The following MLLT3 variants were observed in gnomAD, a reference collection of about 807,000 sequenced individuals.
MLLT3 encodes MLLT3 super elongation complex subunit, also known as protein AF-9.
Under a neutral mutation model 53.2 loss-of-function variants are expected in MLLT3, and 4 were observed. The observed-to-expected ratio is 0.08, with a 90% CI of 0.04 to 0.17. MLLT3 has a LOEUF of 0.17. Among genes scored for constraint, MLLT3 ranks in the 10% least tolerant of loss-of-function variants. MLLT3 has a pLI of 1.00. For synonymous variants in MLLT3, 283 were observed against 230.6 expected (o/e 1.23, Z -2.06); for missense variants, 569 against 684.0 (o/e 0.83, Z 1.87).
chr9:20,587,692 G>C (rs1286657534), intron 2 of MLLT3, among the ~76,000 whole-genome samples: 1 of 152,026 alleles, frequency 6.6e-6, no homozygotes, highest in Non-Finnish European at 1.5e-5. Context: ...GGGGTTGTTT[G>C]TTTTTTTCTT....
At chr9:20,532,208 T>C (rs979756867) in intron 2 of MLLT3, among the ~76,000 whole-genome samples, 1 of 151,964 alleles carries the variant, frequency 6.6e-6, no homozygotes, top group Non-Finnish European at 1.5e-5. Flanking sequence ...ATCTAGAAAA[T>C]ACTGCTTAGC....
At chr9:20,444,744 T>G (rs1365742705) in intron 4 of MLLT3, among the ~76,000 whole-genome samples, 1 of 151,996 alleles carries the variant, frequency 6.6e-6, no homozygotes, top group Non-Finnish European at 1.5e-5. Context: ...TGGTAGTCTG[T>G]GCCTGTAGTC....
intron 10 of MLLT3, among the ~76,000 whole-genome samples, chr9:20,351,289 A>G (rs1587141293): frequency 6.6e-6 from 1 of 152,230 alleles, no homozygotes; most frequent in African/African-American, 2.4e-5. Context: ...CTCTCTTAGG[A>G]AACCTGGTTT....
intron 5 of MLLT3, among the ~76,000 whole-genome samples, chr9:20,401,526 C>T (rs995629698): frequency 6.6e-6 from 1 of 152,126 alleles, no homozygotes; most frequent in Non-Finnish European, 1.5e-5. Context: ...AGGAATCCAG[C>T]CCCTTCCTGT....
At chr9:20,525,483 G>A (rs538327847) in intron 2 of MLLT3, among the ~76,000 whole-genome samples, 1 of 152,260 alleles carries the variant, frequency 6.6e-6, no homozygotes, top group East Asian at 1.9e-4. Context: ...GCAACAGTAA[G>A]ACTCTGACTT....
At chr9:20,589,574 TA>T (rs1233857489) in intron 2 of MLLT3, among the ~76,000 whole-genome samples, 1 of 124,150 alleles carries the variant, frequency 8.1e-6, no homozygotes, top group Non-Finnish European at 1.7e-5. Context: ...CCCTAAAACT[TA>T]AAGTATAATA....
At chr9:20,484,338 T>C (rs1824749763) in intron 2 of MLLT3, among the ~76,000 whole-genome samples, 1 of 152,182 alleles carries the variant, frequency 6.6e-6, no homozygotes, top group South Asian at 2.1e-4. Flanking sequence ...CTCCAGCTTA[T>C]TCTTTTAACT....
chr9:20,612,686 A>AATAT (rs148833460), intron 2 of MLLT3, among the ~76,000 whole-genome samples: 1 of 151,856 alleles, frequency 6.6e-6, no homozygotes, highest in African/African-American at 2.4e-5. Flanking sequence ...CAAAATAGTC[A>AATAT]ATATATATAT....
rs529887751 is a variant in MLLT3, at chr9:20,510,978, T to G, written c.194-54192A>C. On this transcript the variant is annotated intron_variant, in intron 2 of 10. Transcript: ENST00000380338. Reference sequence around the variant, plus strand: ...CACATTTGGTTCTCTCTATAGAATATTATGCAGCCATTAAAAATAATGAAT... The same window carrying G: ...CACATTTGGTTCTCTCTATAGAATAGTATGCAGCCATTAAAAATAATGAAT... Among the ~76,000 whole-genome samples the G allele has an allele frequency of 2.0e-5, 3 of 152,334 alleles. No homozygotes were observed. The East Asian group carries it at 5.8e-4, about 29-fold the overall frequency.
chr9:20,555,285 T>C (rs1408282629), intron 2 of MLLT3, among the ~76,000 whole-genome samples: 1 of 152,200 alleles, frequency 6.6e-6, no homozygotes, highest in East Asian at 1.9e-4. Context: ...TCTGTAAGTA[T>C]TAGCCTCCAA....
chr9:20,571,609 G>C (rs1397541966), intron 2 of MLLT3, among the ~76,000 whole-genome samples: 1 of 152,002 alleles, frequency 6.6e-6, no homozygotes, highest in Non-Finnish European at 1.5e-5. Context: ...CCCCCAGACA[G>C]GCCCTGGTGT....
intron 2 of MLLT3, among the ~76,000 whole-genome samples, chr9:20,561,175 T>A (rs1339516398): frequency 6.6e-6 from 1 of 152,084 alleles, no homozygotes; most frequent in Non-Finnish European, 1.5e-5. Context: ...ATTTTATTTC[T>A]CTAGTTAACA....
At chr9:20,389,390 T>C (rs1822128967) in intron 5 of MLLT3, among the ~76,000 whole-genome samples, 1 of 152,148 alleles carries the variant, frequency 6.6e-6, no homozygotes, top group African/African-American at 2.4e-5. Context: ...AATTGAGAGT[T>C]GATAGCTAAA....
chr9:20,483,112 C>G (rs1278039568), intron 2 of MLLT3, among the ~76,000 whole-genome samples: 1 of 152,138 alleles, frequency 6.6e-6, no homozygotes, highest in Non-Finnish European at 1.5e-5. Context: ...AACTGTGAAT[C>G]ATTTCAGACT....
At chr9:20,586,750 G>C (rs1819975765) in intron 2 of MLLT3, among the ~76,000 whole-genome samples, 1 of 151,906 alleles carries the variant, frequency 6.6e-6, no homozygotes, top group Non-Finnish European at 1.5e-5. Flanking sequence ...GAAATAATGA[G>C]ACTCACTGGT....
At chr9:20,478,384 A>C (rs1824578159) in intron 2 of MLLT3, among the ~76,000 whole-genome samples, 1 of 152,164 alleles carries the variant, frequency 6.6e-6, no homozygotes, top group African/African-American at 2.4e-5. Context: ...TCAGTGACTA[A>C]AACAATACCT....
chr9:20,416,236 CTT>C (rs1406533487), intron 4 of MLLT3, among the ~76,000 whole-genome samples: 1 of 151,796 alleles, frequency 6.6e-6, no homozygotes, highest in Admixed American at 6.6e-5. Context: ...GGCTTGTTGA[CTT>C]ACTGATTTTT....
At chr9:20,406,602 A>C (rs938430718) in intron 5 of MLLT3, among the ~76,000 whole-genome samples, 3 of 152,222 alleles carry the variant, frequency 2.0e-5, no homozygotes. Context: ...TGAGGTCTCA[A>C]ACCAGGGCCA....
Position 20,441,511 on chromosome 9 carries a change from G to A in MLLT3, c.420+6612C>T, listed in dbSNP as rs567871241. Among the ~76,000 whole-genome samples the A allele has an allele frequency of 1.3e-3, 200 of 152,084 alleles. 1 individual carries two copies. The highest frequency in any genetic ancestry group is 4.4e-3 in the African/African-American group (182 of 41,486). ...CCAGAGTTTGTGGGGGGAGGTGGCC[G>A]ACAAGGTTATAGAAAGAAGGAGAAA... On this transcript the variant is annotated intron_variant, in intron 4 of 10. Transcript: ENST00000380338.
Sources: allele counts gnomAD v4.1 joint callset (sites outside exome capture counted in the v4.1 genomes callset), GRCh38; gene constraint gnomAD v4.1.1; transcripts MANE v1.5; gene names NCBI Gene and HGNC (gene_info 2026-07-23, HGNC 2026-07-21).